The following CCDC88A variants were observed in gnomAD, a reference collection of about 807,000 sequenced individuals.
CCDC88A encodes the protein coiled-coil and HOOK domain protein 88A.
In CCDC88A, 54 loss-of-function variants were observed where a neutral mutation model predicts 234.3. The observed-to-expected ratio is 0.23, with a 90% CI of 0.19 to 0.29. CCDC88A has a LOEUF of 0.29. CCDC88A is among the 10% of genes least tolerant of loss of function. The pLI is 1.00. For synonymous variants in CCDC88A, 753 were observed against 737.8 expected (o/e 1.02, Z -0.33); for missense variants, 1,832 against 2,123.4 (o/e 0.86, Z 2.70).
At chr2:55,383,354 C>G (rs1358374717) in intron 3 of CCDC88A, among the ~76,000 whole-genome samples, 1 of 152,042 alleles carries the variant, frequency 6.6e-6, no homozygotes, top group African/African-American at 2.4e-5. Context: ...CACGGTGGCT[C>G]ATGCCTGTAG....
At position 55,335,132 on chromosome 2, in the gene CCDC88A, C is replaced by A; in HGVS notation, c.1689G>T (p.Leu563=). ...IKILEQENEH[L]NQTVSSLRQR... ...GCCTTAAGGAAGACACTGTTTGATT[C>A]AGATGTTCATTTTCCTGTTCCAGTA... The change falls in exon 15 of 33, where the codon CTG becomes CTT. Residue 563 remains leucine, a synonymous_variant. Transcript: ENST00000436346. The surrounding 1 kb of genome is among the most constrained non-coding windows in gnomAD (Gnocchi z 4.5). The A allele has an allele frequency of 6.4e-7, 1 of 1,551,054 alleles. No individual in the cohort carries two copies. The highest frequency in any genetic ancestry group is 1.3e-5 in the South Asian group (1 of 78,220).
intron 2 of CCDC88A, among the ~76,000 whole-genome samples, chr2:55,389,657 G>A (rs1204352013): frequency 6.6e-6 from 1 of 152,068 alleles, no homozygotes; most frequent in Non-Finnish European, 1.5e-5. Flanking sequence ...CAAACTTTTA[G>A]GTCTCAAGAC....
chr2:55,339,425 T>C (rs1668199212), intron 13 of CCDC88A, 39 bp downstream of exon 13: 3 of 1,383,140 alleles, frequency 2.2e-6, no homozygotes, highest in South Asian at 2.7e-5. Context: ...CTTTTACAAG[T>C]TTTTTTAACA....
chr2:55,375,080 G>T (rs1020777763), intron 3 of CCDC88A, among the ~76,000 whole-genome samples, 197 bp from the exon 4 acceptor site: 1 of 152,100 alleles, frequency 6.6e-6, no homozygotes, highest in Non-Finnish European at 1.5e-5. Context: ...ATACCAGATA[G>T]ACTTCAGTTA....
At chr2:55,368,648 T>C (rs1183433927) in intron 5 of CCDC88A, among the ~76,000 whole-genome samples, 2 of 152,094 alleles carry the variant, frequency 1.3e-5, no homozygotes, top group Non-Finnish European at 2.9e-5. Context: ...GAATATAGTA[T>C]CTCTTGAAAC....
In CCDC88A at chr2:55,408,355, G is replaced by A. The variant is rs555587898; in HGVS notation, c.164+10461C>T. ...CAACTCCATCTCGAATAGGGGCTAGGTAAAATAAAGCTATGACTTGCTGAG... is the reference window on the plus strand; with the variant it reads ...CAACTCCATCTCGAATAGGGGCTAGATAAAATAAAGCTATGACTTGCTGAG... On this transcript the variant is annotated intron_variant, in intron 2 of 32. Coordinates refer to ENST00000436346, the MANE Select transcript of CCDC88A (RefSeq NM_001365480.1). Among the ~76,000 whole-genome samples the A allele has an allele frequency of 5.3e-4, 80 of 152,194 alleles. 2 individuals carry two copies. Among genetic ancestry groups the A allele is most frequent in the African/African-American group, 1.7e-3 (72 of 41,490 alleles).
chr2:55,344,353 C>A lies in CCDC88A; in HGVS notation c.1188+15G>T. The A allele has an allele frequency of 3.9e-6, 6 of 1,540,276 alleles. No individual in the cohort carries two copies. The highest frequency in any genetic ancestry group is 5.3e-6 in the Non-Finnish European group (6 of 1,141,596). ...CCTTAAAGGCCATGTAACTGATCTA[C>A]CTCTTAAAACTTACCATTTCCATAT... is the stretch of plus-strand genomic sequence containing the variant. On this transcript the variant is annotated intron_variant, in intron 11 of 32. Coordinates refer to ENST00000436346, the MANE Select transcript of CCDC88A (RefSeq NM_001365480.1).
chr2:55,362,837 T>A (rs913870456), intron 6 of CCDC88A, among the ~76,000 whole-genome samples: 2 of 152,030 alleles, frequency 1.3e-5, no homozygotes, highest in Admixed American at 1.3e-4. Context: ...GTAGGATATA[T>A]GTTATTGCAT....
intron 5 of CCDC88A, among the ~76,000 whole-genome samples, chr2:55,364,952 G>A (rs1430877382): frequency 6.6e-6 from 1 of 152,076 alleles, no homozygotes; most frequent in Non-Finnish European, 1.5e-5. Flanking sequence ...AACTACTAGT[G>A]AGGACAATAT....
At chr2:55,297,747 A>T (rs1399152635) in intron 29 of CCDC88A, among the ~76,000 whole-genome samples, 1 of 151,906 alleles carries the variant, frequency 6.6e-6, no homozygotes, top group Non-Finnish European at 1.5e-5. Context: ...GTATGTTAAG[A>T]CCAAAAACTG....
At position 55,322,653 on chromosome 2, in the gene CCDC88A, C is replaced by A; in HGVS notation, c.3037G>T (p.Glu1013Ter). Residue 1013 changes from glutamate (E) to a stop codon, truncating the protein, a stop_gained, in exon 18 of 33, where the codon GAG becomes TAG. Coordinates refer to ENST00000436346, the MANE Select transcript of CCDC88A (RefSeq NM_001365480.1). LOFTEE classifies it high-confidence loss of function. ...GGAGAGCTCTGTACCATCCTTTCCT[C>A]ATCTTGTCTCTGTTTGAGAGCTTCA... ...NYEALKQRQD[E>*]ERMVQSSPPI... 6.4e-7 allele frequency: 1 copy of A among 1,573,818 alleles called. No homozygotes were observed. Among genetic ancestry groups the A allele is most frequent in the South Asian group, 1.2e-5 (1 of 80,830 alleles).
chr2:55,391,412 A>C (rs937651143), intron 2 of CCDC88A, among the ~76,000 whole-genome samples: 1 of 152,198 alleles, frequency 6.6e-6, no homozygotes, highest in Admixed American at 6.5e-5. Flanking sequence ...ATAGACACAA[A>C]AGATCAGGAA....
rs1011659365 is a variant in CCDC88A at position 55,308,926 on chromosome 2, G to A, written c.4270C>T (p.Arg1424Cys). The A allele has an allele frequency of 1.7e-5, 27 of 1,613,606 alleles. No homozygotes were observed. The highest frequency in any genetic ancestry group is 2.2e-5 in the Non-Finnish European group (26 of 1,179,666). Residue 1424 changes from arginine (R) to cysteine (C), a missense_variant, in exon 25 of 33, where the codon CGC becomes TGC. Physicochemically the swap from Arg to Cys is radical, Grantham distance 180. Transcript: ENST00000436346. ...AGAAATCCTTCACTGGAGTCTGAGC[G>A]GGTGGGTGTTAATGTTAGAGATTTC... ...RQKSLTLTPT[R>C]SDSSEGFLQL...
intron 2 of CCDC88A, 148 bp downstream of exon 2, chr2:55,418,668 T>TCTAGGAATGTGA: frequency 1.5e-6 from 1 of 649,386 alleles, no homozygotes; most frequent in Non-Finnish European, 2.7e-6. Context: ...GCCCATAACA[T>TCTAGGAATGTGA]TAGCATTCCT....
chr2:55,377,428 G>A (rs772257191), intron 3 of CCDC88A, among the ~76,000 whole-genome samples: 5 of 151,324 alleles, frequency 3.3e-5, no homozygotes, highest in Admixed American at 6.6e-5. Context: ...AAAGTGGTGC[G>A]ATTACAGGCA....
intron 17 of CCDC88A, chr2:55,323,308 A>G (rs2104646827): frequency 6.6e-6 from 1 of 152,298 alleles, no homozygotes; most frequent in South Asian, 2.1e-4. Flanking sequence ...ACCCTAGGAG[A>G]TTCTTATAAT....
At position 55,373,027 on chromosome 2, in the gene CCDC88A, G is replaced by A. The variant is rs544779719; in HGVS notation, c.344-517C>T. The stretch of plus-strand genomic sequence containing the variant: ...CTTAAATGTCTGTTACAGTGAGGCT[G>A]TTAAAATAAATGTATATAACAAGTC... On this transcript the variant is annotated intron_variant, in intron 4 of 32. Transcript: ENST00000436346. Among the ~76,000 whole-genome samples the A allele has an allele frequency of 3.3e-5, 5 of 152,308 alleles. No homozygotes were observed. The South Asian group carries it at 1.0e-3, about 32-fold the overall frequency.
At chr2:55,340,626 A>G (rs1421213001) in intron 12 of CCDC88A, among the ~76,000 whole-genome samples, 1 of 152,224 alleles carries the variant, frequency 6.6e-6, no homozygotes, top group Non-Finnish European at 1.5e-5. Flanking sequence ...TATTCTAAGT[A>G]GCAACTAATG....
intron 2 of CCDC88A, chr2:55,403,317 G>C (rs943195815): frequency 1.3e-5 from 2 of 152,150 alleles, no homozygotes; most frequent in African/African-American, 2.4e-5. Context: ...GATAATCATC[G>C]CACTTTGTTA....
Sources: gnomAD v4.1 joint callset for allele counts (sites outside exome capture counted in the v4.1 genomes callset) on GRCh38, gnomAD v4.1.1 for gene constraint, Gnocchi (gnomAD v3.1) non-coding constraint, MANE v1.5 for transcripts, NCBI Gene and HGNC (gene_info 2026-07-23, HGNC 2026-07-21) for gene names.